Variants in PALLD observed in about 807,000 individuals in gnomAD.
PALLD encodes palladin, cytoskeletal associated protein.
PALLD carries 61 observed loss-of-function variants against 123.5 expected under a neutral mutation model. The observed-to-expected ratio is 0.49, with a 90% CI of 0.40 to 0.61. The LOEUF (loss-of-function observed/expected upper bound fraction) is 0.61. Ranked by LOEUF, PALLD falls within the 20% of genes least tolerant of loss-of-function variation. PALLD has a pLI of 0.00. For missense variants in PALLD, 1,273 were observed against 1,377.0 expected (o/e 0.92, Z 1.20); for synonymous variants, 465 against 496.4 (o/e 0.94, Z 0.84).
At chr4:168,810,833 AAAAG>A (rs1245095647) in intron 10 of PALLD, among the ~76,000 whole-genome samples, 1 of 142,948 alleles carries the variant, frequency 7.0e-6, no homozygotes, top group African/African-American at 2.6e-5. Context: ...AAAAGAAAAA[AAAAG>A]AAGAAGAAGA....
intron 10 of PALLD, among the ~76,000 whole-genome samples, chr4:168,801,339 C>T (rs2150680579): frequency 6.6e-6 from 1 of 152,304 alleles, no homozygotes; most frequent in East Asian, 1.9e-4. Flanking sequence ...AGTGCAGTGG[C>T]ACGATCTTGG....
chr4:168,757,725 AG>A (rs1561488323), intron 10 of PALLD, among the ~76,000 whole-genome samples: 3 of 152,254 alleles, frequency 2.0e-5, no homozygotes, highest in African/African-American at 7.2e-5. Flanking sequence ...CAACGGCAAT[AG>A]TAACAGGTGT....
At chr4:168,647,313 C>A (rs1777561759) in intron 2 of PALLD, among the ~76,000 whole-genome samples, 1 of 152,090 alleles carries the variant, frequency 6.6e-6, no homozygotes, top group African/African-American at 2.4e-5. Context: ...GACAACACTG[C>A]AAAATTTAGA....
intron 2 of PALLD, among the ~76,000 whole-genome samples, chr4:168,663,206 T>C (rs189449837): frequency 5.4e-4 from 82 of 152,320 alleles, no homozygotes; most frequent in African/African-American, 1.8e-3. Flanking sequence ...ATGACTGTCA[T>C]TGGAAAGATA....
At position 168,533,001 on chromosome 4, in the gene PALLD, G is replaced by T. The variant is rs145694932; in HGVS notation, c.908+20589G>T. Among the ~76,000 whole-genome samples, 18 of 152,194 alleles carry T rather than the reference G, an allele frequency of 1.2e-4. No homozygotes were observed. The East Asian group carries it at 3.5e-3, about 29-fold the overall frequency. The stretch of plus-strand genomic sequence containing the variant: ...AAAAGCTTCTAAAGAATTAAAATAG[G>T]TTACCCAAAATGAAGAATCAGACTA... On this transcript the variant is annotated intron_variant, in intron 2 of 21. Coordinates refer to ENST00000505667, the MANE Select transcript of PALLD (RefSeq NM_001166108.2).
At chr4:168,761,641 G>GTTTTTTTTTTTTT (rs1230404942) in intron 10 of PALLD, among the ~76,000 whole-genome samples, 3 of 11,640 alleles carry the variant, frequency 2.6e-4, no homozygotes, top group Admixed American at 1.4e-3. Flanking sequence ...TGTTGTTGTT[G>GTTTTTTTTTTTTT]TTTGTTTTTT....
intron 1 of PALLD, among the ~76,000 whole-genome samples, chr4:168,506,814 G>A (rs919117230): frequency 2.4e-4 from 36 of 152,048 alleles, no homozygotes; most frequent in African/African-American, 8.2e-4. Flanking sequence ...TGCATACACC[G>A]AAAGTGCTGT....
chr4:168,876,731 G>A (rs1751797001), intron 10 of PALLD, among the ~76,000 whole-genome samples: 1 of 152,120 alleles, frequency 6.6e-6, no homozygotes, highest in South Asian at 2.1e-4. Context: ...AGAAAGTTTT[G>A]GGGTCTGATT....
intron 10 of PALLD, among the ~76,000 whole-genome samples, chr4:168,769,526 T>G (rs576511392): frequency 6.6e-6 from 1 of 152,316 alleles, no homozygotes; most frequent in African/African-American, 2.4e-5. Flanking sequence ...GGGCTGGCGT[T>G]ACCCTTTTGA....
Position 168,891,016 on chromosome 4 carries a change from A to G in PALLD, c.2059A>G (p.Lys687Glu). The change falls in exon 11 of 22, where the codon AAA becomes GAA. Residue 687 changes from lysine (K) to glutamate (E), a missense_variant. Physicochemically the swap from Lys to Glu is moderately conservative, Grantham distance 56 (BLOSUM62 1). Coordinates refer to ENST00000505667, the MANE Select transcript of PALLD (RefSeq NM_001166108.2). Reference sequence around the variant, plus strand: ...TGCTGTTATTCAAGACCTGGAACGAAAACTTCGCTTCAAGGAGGACCTCCT... The same window carrying G: ...TGCTGTTATTCAAGACCTGGAACGAGAACTTCGCTTCAAGGAGGACCTCCT... ...KDAVIQDLER[K>E]LRFKEDLLNN... 6.2e-7 allele frequency: 1 copy of G among 1,614,196 alleles called. No homozygotes were observed. Among genetic ancestry groups the G allele is most frequent in the Non-Finnish European group, 8.5e-7 (1 of 1,180,028 alleles).
intron 2 of PALLD, among the ~76,000 whole-genome samples, chr4:168,637,943 CAAAAAAAA>C (rs11416996): frequency 9.9e-5 from 6 of 60,446 alleles, no homozygotes; most frequent in East Asian, 5.5e-4. Context: ...GAATACATCT[CAAAAAAAA>C]AAAAAAAAAA....
rs140237086 is a variant in PALLD at position 168,895,388 on chromosome 4, A to G, written c.2199+711A>G. 4.9e-3 allele frequency among the ~76,000 whole-genome samples: 742 copies of G among 152,318 alleles called. 7 individuals are homozygous for G. The highest frequency in any genetic ancestry group is 5.5e-3 in the Admixed American group (84 of 15,304). On this transcript the variant is annotated intron_variant, in intron 12 of 21. Transcript: ENST00000505667. ...AGAGTGAGACTTCGTCTCCAAAACA[A>G]AACAAAACTAAAAACACATATACGA...
intron 16 of PALLD, among the ~76,000 whole-genome samples, chr4:168,914,929 A>G (rs987744113): frequency 6.6e-6 from 1 of 151,928 alleles, no homozygotes; most frequent in South Asian, 2.1e-4. Context: ...TAACTTCATC[A>G]TGGCAATACC....
chr4:168,576,190 G>C (rs1488030833), intron 2 of PALLD, among the ~76,000 whole-genome samples: 1 of 151,796 alleles, frequency 6.6e-6, no homozygotes, highest in African/African-American at 2.4e-5. Flanking sequence ...TTCATAATCT[G>C]TGGTGCTTAC....
At chr4:168,688,287 G>A (rs1782279436) in intron 6 of PALLD, among the ~76,000 whole-genome samples, 2 of 152,200 alleles carry the variant, frequency 1.3e-5, no homozygotes, top group Admixed American at 6.5e-5. Context: ...ACCTCCATCT[G>A]TTTTCTCATG....
intron 2 of PALLD, among the ~76,000 whole-genome samples, chr4:168,539,189 T>C (rs1765369866): frequency 1.3e-5 from 2 of 152,190 alleles, no homozygotes; most frequent in South Asian, 4.1e-4. Context: ...AAACTGAGGC[T>C]TAGAGAAATT....
chr4:168,501,171 A>G (rs556907466), intron 1 of PALLD, among the ~76,000 whole-genome samples: 49 of 152,328 alleles, frequency 3.2e-4, no homozygotes, highest in African/African-American at 1.2e-3. Flanking sequence ...CCAGCAACTC[A>G]GGAGCCTGAG....
intron 2 of PALLD, chr4:168,648,698 G>C (rs1437942472): frequency 6.6e-6 from 1 of 152,128 alleles, no homozygotes; most frequent in African/African-American, 2.4e-5. Context: ...TTGGTGGAAG[G>C]CACTATTGTT....
chr4:168,669,783 C>G (rs182704267), intron 3 of PALLD, among the ~76,000 whole-genome samples: 1 of 147,928 alleles, frequency 6.8e-6, no homozygotes, highest in Non-Finnish European at 1.5e-5. Flanking sequence ...CTAATACTTA[C>G]ATGACACTTA....
Sources: gnomAD v4.1 joint callset for allele counts (sites outside exome capture counted in the v4.1 genomes callset) on GRCh38, gnomAD v4.1.1 for gene constraint, MANE v1.5 for transcripts, NCBI Gene and HGNC (gene_info 2026-07-23, HGNC 2026-07-21) for gene names.